The following COLEC10 variants were observed in gnomAD, a reference collection of about 807,000 sequenced individuals.
The protein encoded by COLEC10 is collectin-10.
A neutral mutation model predicts 28.4 loss-of-function variants in COLEC10; 22 were observed. The ratio of observed to expected loss-of-function variants is 0.78; its 90% CI spans 0.55 to 1.11. The LOEUF (loss-of-function observed/expected upper bound fraction) is 1.11. COLEC10 is among the 50% of genes least tolerant of loss of function. The pLI, the probability that COLEC10 is intolerant of heterozygous loss-of-function variation, is 0.00. For missense variants in COLEC10, 361 were observed against 344.1 expected (o/e 1.05, Z -0.39); for synonymous variants, 125 against 116.1 (o/e 1.08, Z -0.49).
intron 2 of COLEC10, among the ~76,000 whole-genome samples, chr8:119,034,916 T>A (rs1814359255): frequency 6.6e-6 from 1 of 152,166 alleles, no homozygotes; most frequent in Non-Finnish European, 1.5e-5. Flanking sequence ...AATATAGGTA[T>A]TTAGTCTAAT....
intron 1 of COLEC10, among the ~76,000 whole-genome samples, chr8:119,078,620 G>T (rs2465404): frequency 0.62 from 94,087 of 152,046 alleles, 29,556 homozygotes; most frequent in Middle Eastern, 0.74. Flanking sequence ...AAATATTTCT[G>T]AGGCATTATT....
chr8:119,047,546 C>G (rs1814607101), intron 2 of COLEC10, among the ~76,000 whole-genome samples: 1 of 152,112 alleles, frequency 6.6e-6, no homozygotes, highest in East Asian at 1.9e-4. Flanking sequence ...TAGAAAGGCA[C>G]AAAGACTAAA....
At chr8:118,981,301 T>A in the COLEC10 span, among the ~76,000 whole-genome samples, 1 of 152,150 alleles carries the variant, frequency 6.6e-6, no homozygotes, top group Non-Finnish European at 1.5e-5. Context: ...GGCACCAAAC[T>A]GAGCTCTGTG....
chr8:119,051,504 A>G (rs1171391976), intron 2 of COLEC10, among the ~76,000 whole-genome samples: 1 of 152,154 alleles, frequency 6.6e-6, no homozygotes, highest in Non-Finnish European at 1.5e-5. Flanking sequence ...TGCCTGGGGG[A>G]CCAAAGTGTA....
At chr8:119,038,788 C>T (rs1258933917) in intron 2 of COLEC10, among the ~76,000 whole-genome samples, 3 of 152,070 alleles carry the variant, frequency 2.0e-5, no homozygotes, top group Non-Finnish European at 2.9e-5. Context: ...TACTCAACAC[C>T]CGTGGATGGT....
chr8:119,104,929 G>A (rs1351952), intron 5 of COLEC10, among the ~76,000 whole-genome samples: 82,131 of 151,872 alleles, frequency 0.54, 22,955 homozygotes, highest in Middle Eastern at 0.72. Context: ...TGTAGAGGCC[G>A]CTGACACCCA....
chr8:118,994,566 C>T (rs769580824), upstream of COLEC10, among the ~76,000 whole-genome samples: 3 of 152,210 alleles, frequency 2.0e-5, no homozygotes, highest in East Asian at 5.8e-4. Flanking sequence ...GACAAGGAAA[C>T]AAAGTCGGCC....
intron 4 of COLEC10, 128 bp downstream of exon 4, chr8:119,102,529 A>T (rs1815858084): frequency 1.3e-6 from 1 of 762,586 alleles, no homozygotes. Flanking sequence ...TCCTCAGGCT[A>T]GAAGAAAGGG....
At chr8:119,084,557 G>A (rs1005022870) in intron 1 of COLEC10, among the ~76,000 whole-genome samples, 1 of 152,208 alleles carries the variant, frequency 6.6e-6, no homozygotes, top group African/African-American at 2.4e-5. Context: ...GTATGAGATT[G>A]TATATAGCAC....
chr8:119,011,469 C>T (rs1182421998), intron 2 of COLEC10, among the ~76,000 whole-genome samples: 1 of 104,570 alleles, frequency 9.6e-6, no homozygotes, highest in Non-Finnish European at 1.8e-5. Flanking sequence ...GGTCATTTGC[C>T]TCTCCATATA....
intron 1 of COLEC10, among the ~76,000 whole-genome samples, chr8:119,085,700 C>T (rs1011337754): frequency 2.0e-5 from 3 of 148,934 alleles, no homozygotes; most frequent in Non-Finnish European, 1.5e-5. Flanking sequence ...CAAACTGCAA[C>T]CTCTGCCTCC....
chr8:119,050,489 C>T (rs12678216), intron 2 of COLEC10, among the ~76,000 whole-genome samples: 4,413 of 152,214 alleles, frequency 0.029, 121 homozygotes, highest in East Asian at 0.16. Flanking sequence ...CTATGAGAAA[C>T]AGCATATACA....
chr8:119,093,908 A>C (rs1465368088), intron 3 of COLEC10, among the ~76,000 whole-genome samples: 3 of 152,176 alleles, frequency 2.0e-5, no homozygotes, highest in African/African-American at 7.2e-5. Context: ...GTTTCCCTCA[A>C]CATCCTTCTT....
At chr8:118,978,301 C>A in the COLEC10 span, among the ~76,000 whole-genome samples, 1 of 152,116 alleles carries the variant, frequency 6.6e-6, no homozygotes, top group Admixed American at 6.6e-5. Flanking sequence ...TCCTCAACCA[C>A]TGAAGGACCT....
At chr8:118,990,705 T>C (rs1813491171), upstream of COLEC10, among the ~76,000 whole-genome samples, 1 of 152,192 alleles carries the variant, frequency 6.6e-6, no homozygotes. Context: ...CCTACTCCTG[T>C]ACCACAAGTG....
intron 1 of COLEC10, among the ~76,000 whole-genome samples, chr8:119,079,509 A>C (rs1815326733): frequency 6.6e-6 from 1 of 152,140 alleles, no homozygotes; most frequent in Non-Finnish European, 1.5e-5. Context: ...CTGACTGAGA[A>C]TGCATTTTAA....
chr8:119,043,530 G>A (rs1814533501), intron 2 of COLEC10, among the ~76,000 whole-genome samples: 1 of 152,166 alleles, frequency 6.6e-6, no homozygotes, highest in African/African-American at 2.4e-5. Flanking sequence ...TTTCCTGTCT[G>A]TCACTGAACT....
At chr8:118,976,734 C>A in the COLEC10 span, 4 of 151,968 alleles carry the variant, frequency 2.6e-5, no homozygotes, top group African/African-American at 9.7e-5. Context: ...GCAACAAAAG[C>A]CAAAATTAAC....
At chr8:119,091,599 A>C (rs10755918) in intron 3 of COLEC10, among the ~76,000 whole-genome samples, 2 of 96,786 alleles carry the variant, frequency 2.1e-5, no homozygotes, top group Non-Finnish European at 3.8e-5. Flanking sequence ...GAGAGAGAGA[A>C]AGAAAGAAAG....
Sources: allele counts gnomAD v4.1 joint callset (sites outside exome capture counted in the v4.1 genomes callset), GRCh38; gene constraint gnomAD v4.1.1; transcripts MANE v1.5; gene names NCBI Gene and HGNC (gene_info 2026-07-23, HGNC 2026-07-21).